UNC5A: variants seen among roughly 807,000 people sequenced by gnomAD.
UNC5A encodes the protein netrin receptor UNC5A.
In UNC5A, 20 loss-of-function variants were observed where a neutral mutation model predicts 87.4. That is an observed-to-expected ratio of 0.23 (90% confidence interval 0.16 to 0.33). UNC5A has a LOEUF of 0.33. UNC5A is among the 10% of genes least tolerant of loss of function. The probability of loss-of-function intolerance (pLI) is 1.00; values close to 1 mark genes in which losing one functional copy is unlikely to be tolerated. For synonymous variants in UNC5A, 438 were observed against 482.3 expected, an observed-to-expected ratio of 0.91 and a Z score of 1.20; for missense variants, 844 against 1,133.4, an observed-to-expected ratio of 0.74 and a Z score of 3.67.
rs754606432 is a variant in UNC5A at position 176,870,353 on chromosome 5, G to A, written c.722-17G>A. 5.0e-6 allele frequency: 8 copies of A among 1,610,088 alleles called. No homozygotes were observed. In the Admixed American group the frequency reaches 8.3e-5, roughly 17 times the overall value. ...AGGCTGACCGCACCGTCTCCTCTCT[G>A]CTTGTCTCTCATCTAGTGGACGGCA... On this transcript the variant is annotated splice_polypyrimidine_tract_variant and intron_variant, in intron 5 of 14. Coordinates refer to ENST00000329542, the MANE Select transcript of UNC5A (RefSeq NM_133369.3).
rs1370978159 is a variant in UNC5A, at chr5:176,877,519, T to TA, written c.1467-15dup. The TA allele has an allele frequency of 1.9e-6, 3 of 1,572,092 alleles. No homozygotes were observed. Among genetic ancestry groups the TA allele is most frequent in the Non-Finnish European group, 2.6e-6 (3 of 1,154,444 alleles). The stretch of plus-strand genomic sequence containing the variant: ...ACTGACACCTTTCCCTCCCCACCCA[T>TA]ATTTCCCCACTTGAGGTTGCCCCTA... On this transcript the variant is annotated splice_polypyrimidine_tract_variant and intron_variant, in intron 9 of 14. Coordinates refer to ENST00000329542, the MANE Select transcript of UNC5A (RefSeq NM_133369.3).
chr5:176,853,370 C>A (rs764970513), intron 1 of UNC5A, among the ~76,000 whole-genome samples: 1 of 152,160 alleles, frequency 6.6e-6, no homozygotes, highest in South Asian at 2.1e-4. Context: ...CAGCGGTGCC[C>A]CTGCCCAGAG....
intron 1 of UNC5A, among the ~76,000 whole-genome samples, chr5:176,835,883 A>G (rs1056180569): frequency 2.0e-5 from 3 of 152,230 alleles, no homozygotes; most frequent in Non-Finnish European, 4.4e-5. Context: ...TGACAAAGAA[A>G]TGAAACAAAA....
At chr5:176,852,314 ACACACACATAT>A (rs1757564051) in intron 1 of UNC5A, among the ~76,000 whole-genome samples, 1 of 151,716 alleles carries the variant, frequency 6.6e-6, no homozygotes, top group African/African-American at 2.4e-5. Flanking sequence ...CCACACAGAA[ACACACACATAT>A]CACACACAGA....
intron 1 of UNC5A, among the ~76,000 whole-genome samples, chr5:176,842,054 G>T (rs534475493): frequency 6.6e-6 from 1 of 152,210 alleles, no homozygotes; most frequent in South Asian, 2.1e-4. Flanking sequence ...AAAATTAGCC[G>T]GGCGCGGTGG....
In UNC5A at chr5:176,865,370, C is replaced by G; in HGVS notation, c.292+2525C>G. Reference sequence around the variant, plus strand: ...GACTGGCAGGAACCCAGACCCTTGCCTGAATGAGCAGTCGCAGGCCCGGGC... The same window carrying G: ...GACTGGCAGGAACCCAGACCCTTGCGTGAATGAGCAGTCGCAGGCCCGGGC... On this transcript the variant is annotated intron_variant, in intron 2 of 14. Coordinates refer to ENST00000329542, the MANE Select transcript of UNC5A (RefSeq NM_133369.3). The surrounding 1 kb of genome is among the most constrained non-coding windows in gnomAD (Gnocchi z 5.3). 1 of 350,030 alleles carries G rather than the reference C, an allele frequency of 2.9e-6. No homozygotes were observed. The highest frequency in any genetic ancestry group is 5.6e-6 in the Non-Finnish European group (1 of 177,140). The allele number at this position is 350,030 out of a possible 1,614,324, so 21.7% of individuals were successfully genotyped here.
rs1323299382 is a variant in UNC5A, at chr5:176,880,111, GC to G, written c.*228del. 1 of 579,486 alleles carries G rather than the reference GC, an allele frequency of 1.7e-6. No individual in the cohort carries two copies. Among genetic ancestry groups the G allele is most frequent in the Non-Finnish European group, 3.0e-6 (1 of 333,948 alleles). 35.9% of individuals were successfully genotyped at this position (579,486 alleles called of 1,614,324 possible). On this transcript the variant is annotated 3_prime_UTR_variant, in exon 15 of 15. Transcript: ENST00000329542. ...ACTGCCACTCACACTCGGCCCCAGG[GC>G]CCAGGAGGGACAGTGCCTGGAGCCT...
At chr5:176,818,458 T>G (rs1756649123) in intron 1 of UNC5A, among the ~76,000 whole-genome samples, 1 of 152,210 alleles carries the variant, frequency 6.6e-6, no homozygotes, top group African/African-American at 2.4e-5. Flanking sequence ...ACTGTTACGT[T>G]TTTTATTCTT....
chr5:176,832,714 G>A (rs2113609459), intron 1 of UNC5A, among the ~76,000 whole-genome samples: 1 of 152,324 alleles, frequency 6.6e-6, no homozygotes, highest in Admixed American at 6.5e-5. Flanking sequence ...GGATGGTAGG[G>A]AGCTGCTGAA....
At chr5:176,829,331 G>GAAA in intron 1 of UNC5A, among the ~76,000 whole-genome samples, 1 of 114,910 alleles carries the variant, frequency 8.7e-6, no homozygotes, top group African/African-American at 4.7e-5. Flanking sequence ...TATGAAATAT[G>GAAA]GATGGATGGA....
intron 1 of UNC5A, among the ~76,000 whole-genome samples, chr5:176,849,561 G>C (rs1024701201): frequency 1.3e-5 from 2 of 152,132 alleles, no homozygotes; most frequent in Non-Finnish European, 2.9e-5. Flanking sequence ...CTCCAGCCTG[G>C]GCAACTGCGT....
At chr5:176,813,893 TG>T (rs1756528534) in intron 1 of UNC5A, among the ~76,000 whole-genome samples, 1 of 152,194 alleles carries the variant, frequency 6.6e-6, no homozygotes, top group Non-Finnish European at 1.5e-5. Flanking sequence ...CGCATATGCA[TG>T]CGGGGCCTCC....
intron 1 of UNC5A, among the ~76,000 whole-genome samples, chr5:176,846,286 G>C (rs1757400645): frequency 2.0e-5 from 3 of 152,060 alleles, no homozygotes; most frequent in Non-Finnish European, 4.4e-5. Flanking sequence ...AGAGACAGAG[G>C]GGTCTTTTGG....
intron 1 of UNC5A, among the ~76,000 whole-genome samples, chr5:176,858,721 GA>G (rs1200883230): frequency 6.9e-4 from 3 of 4,322 alleles, no homozygotes; most frequent in Non-Finnish European, 3.2e-3. Context: ...AAGAGAGAGA[GA>G]GAAGGAAGGA....
Position 176,869,079 on chromosome 5 carries a change from G to T in UNC5A, c.721+115G>T. The T allele has an allele frequency of 4.2e-6, 5 of 1,204,430 alleles. No homozygotes were observed. Among genetic ancestry groups the T allele is most frequent in the Non-Finnish European group, 5.7e-6 (5 of 883,302 alleles). 74.6% of individuals were successfully genotyped at this position (1,204,430 alleles called of 1,614,324 possible). On this transcript the variant is annotated intron_variant, in intron 5 of 14. Transcript: ENST00000329542. This position sits in a 1 kb window ranked among gnomAD's most constrained non-coding sequence, Gnocchi z 9.1. The stretch of plus-strand genomic sequence containing the variant: ...AGGCCAAAGCCAGGTGGACCAGATC[G>T]TGCCTGACTAGGCAGGATAAGCAAA...
At chr5:176,813,957 C>T (rs1379939949) in intron 1 of UNC5A, among the ~76,000 whole-genome samples, 1 of 152,210 alleles carries the variant, frequency 6.6e-6, no homozygotes, top group Non-Finnish European at 1.5e-5. Context: ...GCCCTGCCGT[C>T]CCCTCCTCCT....
intron 1 of UNC5A, among the ~76,000 whole-genome samples, chr5:176,819,422 T>G (rs1346900072): frequency 1.3e-5 from 2 of 151,808 alleles, no homozygotes; most frequent in Non-Finnish European, 2.9e-5. Context: ...GGAACTGAAC[T>G]CAGGGGTGGC....
chr5:176,835,729 ATGTGTGTGTGTGTG>A (rs55990257), intron 1 of UNC5A, among the ~76,000 whole-genome samples: 1 of 145,298 alleles, frequency 6.9e-6, no homozygotes, highest in Non-Finnish European at 1.5e-5. Flanking sequence ...TTGATAAAGG[ATGTGTGTGTGTGTG>A]TGTGTGTGTG....
At chr5:176,857,229 C>A (rs530506031) in intron 1 of UNC5A, among the ~76,000 whole-genome samples, 2 of 152,280 alleles carry the variant, frequency 1.3e-5, no homozygotes, top group South Asian at 4.1e-4. Context: ...TGAAAGCAAG[C>A]TTCAGAGACG....
Sources: allele counts gnomAD v4.1 joint callset (sites outside exome capture counted in the v4.1 genomes callset), GRCh38; gene constraint gnomAD v4.1.1; non-coding constraint Gnocchi (gnomAD v3.1); transcripts MANE v1.5; gene names NCBI Gene and HGNC (gene_info 2026-07-23, HGNC 2026-07-21).